Variants in NUP153 observed in about 807,000 individuals in gnomAD.
NUP153 encodes nuclear pore complex protein Nup153.
In NUP153, 27 loss-of-function variants were observed where a neutral mutation model predicts 134.6. The observed-to-expected ratio is 0.20, with a 90% CI of 0.15 to 0.28. The LOEUF is 0.28. NUP153 is among the 10% of genes least tolerant of loss of function. The pLI is 1.00. For synonymous variants in NUP153, 640 were observed against 623.5 expected, an observed-to-expected ratio of 1.03 and a Z score of -0.40; for missense variants, 1,821 against 1,731.3, an observed-to-expected ratio of 1.05 and a Z score of -0.92.
At chr6:17,655,370 T>G (rs1471954988) in intron 11 of NUP153, among the ~76,000 whole-genome samples, 1 of 152,116 alleles carries the variant, frequency 6.6e-6, no homozygotes, top group African/African-American at 2.4e-5. Context: ...GTGTTTACAT[T>G]TCATTAAAAC....
At chr6:17,698,902 C>A (rs1320138062) in intron 1 of NUP153, among the ~76,000 whole-genome samples, 2 of 150,822 alleles carry the variant, frequency 1.3e-5, no homozygotes, top group Admixed American at 6.6e-5. Context: ...AATAAAAGCT[C>A]ACAGTAGTTA....
Position 17,628,850 on chromosome 6 carries a change from C to G in NUP153, c.3349G>C (p.Val1117Leu). ...QQEPVTSTSL[V>L]FGKKADNEEP... is the part of the protein sequence containing the mutation. ...TCATTGTCAGCTTTCTTCCCAAAAACTAGGGAAGTAGAAGTGACAGGCTCT... is the reference window on the plus strand; with the variant it reads ...TCATTGTCAGCTTTCTTCCCAAAAAGTAGGGAAGTAGAAGTGACAGGCTCT... The change falls in exon 18 of 22, where the codon GTT becomes CTT. Residue 1117 changes from valine to leucine, a missense_variant. Coordinates refer to ENST00000262077, the MANE Select transcript of NUP153 (RefSeq NM_005124.4). The surrounding 1 kb of genome is among the most constrained non-coding windows in gnomAD (Gnocchi z 5.4). The G allele has an allele frequency of 6.2e-7, 1 of 1,614,192 alleles. No homozygotes were observed. Among genetic ancestry groups the G allele is most frequent in the Non-Finnish European group, 8.5e-7 (1 of 1,180,014 alleles).
At position 17,661,799 on chromosome 6, in the gene NUP153, T is replaced by C. The variant is rs776286933; in HGVS notation, c.1269-20A>G. On this transcript the variant is annotated intron_variant, in intron 10 of 21. Transcript: ENST00000262077. The stretch of plus-strand genomic sequence containing the variant: ...AAGCCACTGGCAAATAAAAAGAAAA[T>C]TAAAACAACTGATATATTATTGTGG... 3 of 1,605,278 alleles carry C rather than the reference T, an allele frequency of 1.9e-6. No homozygotes were observed. The highest frequency in any genetic ancestry group is 1.3e-5 in the African/African-American group (1 of 74,356).
At chr6:17,626,547 CA>C (rs1242139006) in intron 18 of NUP153, among the ~76,000 whole-genome samples, 5 of 152,168 alleles carry the variant, frequency 3.3e-5, no homozygotes, top group Non-Finnish European at 5.9e-5. Context: ...ATCATAACTT[CA>C]ATTTATCTAA....
rs1472815104 is a variant in NUP153 at position 17,655,071 on chromosome 6, ATATACTGCTACATGTTTTG to A, written c.1396-5790_1396-5772del. On this transcript the variant is annotated intron_variant, in intron 11 of 21. Coordinates refer to ENST00000262077, the MANE Select transcript of NUP153 (RefSeq NM_005124.4). ...AGTCTCTCCAAACTCAAGTCTTCTT[ATATACTGCTACATGTTTTG>A]TATACTGCTACATGTTTTGTATCAA... Among the ~76,000 whole-genome samples the A allele has an allele frequency of 4.9e-4, 75 of 152,358 alleles. 1 individual carries two copies. The highest frequency in any genetic ancestry group is 1.7e-3 in the African/African-American group (70 of 41,590).
chr6:17,697,254 C>T (rs1769712862), intron 1 of NUP153, among the ~76,000 whole-genome samples: 1 of 152,128 alleles, frequency 6.6e-6, no homozygotes, highest in African/African-American at 2.4e-5. Context: ...CAAAACATGT[C>T]AAAAATGCCA....
Position 17,706,251 on chromosome 6 carries a change from G to A in NUP153, c.111+26C>T, listed in dbSNP as rs776885237. On this transcript the variant is annotated intron_variant, in intron 1 of 21. Coordinates refer to ENST00000262077, the MANE Select transcript of NUP153 (RefSeq NM_005124.4). The surrounding 1 kb of genome is among the most constrained non-coding windows in gnomAD (Gnocchi z 5.9). Reference sequence around the variant, plus strand: ...CCAGCCGAGTTTCCCCACCCGCCAGGCCACCGCGGCGTCGGGGTCCCATAC... The same window carrying A: ...CCAGCCGAGTTTCCCCACCCGCCAGACCACCGCGGCGTCGGGGTCCCATAC... 1.9e-6 allele frequency: 3 copies of A among 1,574,932 alleles called. No homozygotes were observed. The highest frequency in any genetic ancestry group is 1.1e-5 in the South Asian group (1 of 90,350).
intron 1 of NUP153, among the ~76,000 whole-genome samples, chr6:17,704,894 G>T (rs1290570544): frequency 6.6e-6 from 1 of 152,026 alleles, no homozygotes; most frequent in Non-Finnish European, 1.5e-5. Context: ...CAAGTAGCTG[G>T]GACTACAGGC....
chr6:17,623,859 C>T (rs1764777654), intron 20 of NUP153, among the ~76,000 whole-genome samples: 1 of 151,946 alleles, frequency 6.6e-6, no homozygotes, highest in African/African-American at 2.4e-5. Context: ...TAATAAAACC[C>T]AAAGAACAGT....
At chr6:17,616,293 T>C (rs1764319128) in intron 21 of NUP153, 112 bp from the exon 22 acceptor site, 4 of 567,376 alleles carry the variant, frequency 7.1e-6, no homozygotes, top group Admixed American at 3.0e-5. Flanking sequence ...GGGGGGGGAG[T>C]AGACTCACAT....
chr6:17,632,695 A>G lies in NUP153; in HGVS notation c.2614T>C (p.Leu872=). 6.2e-7 allele frequency: 1 copy of G among 1,612,806 alleles called. No homozygotes were observed. Among genetic ancestry groups the G allele is most frequent in the South Asian group, 1.1e-5 (1 of 90,658 alleles). ...VQNKADSTKC[L]ACESAKPGTK... is the part of the protein sequence containing the mutation. ...CCTGGCTTTGCACTTTCACATGCCA[A>G]ACATTTGGTAGAGTCTGCCTTATTC... The change falls in exon 17 of 22, where the codon TTG becomes CTG. Residue 872 remains leucine (L), a synonymous_variant. Coordinates refer to ENST00000262077, the MANE Select transcript of NUP153 (RefSeq NM_005124.4).
At chr6:17,697,845 C>T (rs1457265511) in intron 1 of NUP153, among the ~76,000 whole-genome samples, 1 of 152,134 alleles carries the variant, frequency 6.6e-6, no homozygotes, top group Non-Finnish European at 1.5e-5. Context: ...TCAGAACTCA[C>T]TTGTAATTAA....
chr6:17,691,817 C>G (rs979597326), intron 1 of NUP153, among the ~76,000 whole-genome samples: 14 of 148,470 alleles, frequency 9.4e-5, no homozygotes, highest in Admixed American at 3.4e-4. Context: ...AGCACTATAG[C>G]AAGAATTTTT....
chr6:17,654,846 G>A (rs550211749), intron 11 of NUP153, among the ~76,000 whole-genome samples: 13 of 151,674 alleles, frequency 8.6e-5, no homozygotes, highest in Non-Finnish European at 1.5e-4. Context: ...TGTTACATAT[G>A]AAGAAAGTAA....
chr6:17,682,925 G>GAAAAA lies in NUP153; in HGVS notation c.334+5466_334+5470dup, dbSNP rs58196936. ...AGAGCAAGACTGTCTCAAAAAAGAA[G>GAAAAA]AAAAAAAAAAAAAAAAACACTTTCT... On this transcript the variant is annotated intron_variant, in intron 2 of 21. Coordinates refer to ENST00000262077, the MANE Select transcript of NUP153 (RefSeq NM_005124.4). 3.3e-4 allele frequency among the ~76,000 whole-genome samples: 41 copies of GAAAAA among 123,744 alleles called. 1 individual carries two copies. The highest frequency in any genetic ancestry group is 3.8e-4 in the Non-Finnish European group (23 of 61,016). 81.2% of individuals were successfully genotyped at this position (123,744 alleles called of 152,430 possible).
At chr6:17,682,925 GAAAA>G (rs58196936) in intron 2 of NUP153, among the ~76,000 whole-genome samples, 12 of 123,766 alleles carry the variant, frequency 9.7e-5, no homozygotes, top group African/African-American at 2.2e-4. Flanking sequence ...CAAAAAAGAA[GAAAA>G]AAAAAAAAAA....
chr6:17,692,705 G>A (rs1208395375), intron 1 of NUP153, among the ~76,000 whole-genome samples: 2 of 152,156 alleles, frequency 1.3e-5, no homozygotes, highest in African/African-American at 4.8e-5. Flanking sequence ...TCCTCAAAGT[G>A]TGATCCCTTT....
rs774959417 is a variant in NUP153, at chr6:17,628,628, T to A, written c.3544+27A>T. On this transcript the variant is annotated intron_variant, in intron 18 of 21. Transcript: ENST00000262077. This position sits in a 1 kb window ranked among gnomAD's most constrained non-coding sequence, Gnocchi z 5.4. Reference sequence around the variant, plus strand: ...CAACTTGTAAAAAAAAAAATAATAATAATAATAATAAAAAGTTAATACTTA... The same window carrying A: ...CAACTTGTAAAAAAAAAAATAATAAAAATAATAATAAAAAGTTAATACTTA... 3.2e-5 allele frequency: 38 copies of A among 1,195,486 alleles called. No homozygotes were observed. The Admixed American group carries it at 3.7e-4, about 12-fold the overall frequency. The allele number at this position is 1,195,486 out of a possible 1,614,324, so 74.1% of individuals were successfully genotyped here.
chr6:17,659,804 G>A (rs568071334), intron 11 of NUP153, among the ~76,000 whole-genome samples: 6 of 152,218 alleles, frequency 3.9e-5, no homozygotes, highest in African/African-American at 1.2e-4. Context: ...TTAATAAAGA[G>A]CTTTAATGAC....
Sources: gnomAD v4.1 joint callset for allele counts (sites outside exome capture counted in the v4.1 genomes callset) on GRCh38, gnomAD v4.1.1 for gene constraint, Gnocchi (gnomAD v3.1) non-coding constraint, MANE v1.5 for transcripts, NCBI Gene and HGNC (gene_info 2026-07-23, HGNC 2026-07-21) for gene names.